LHCGR: variants seen among roughly 807,000 people sequenced by gnomAD.
LHCGR encodes luteinizing hormone/choriogonadotropin receptor.
Under a neutral mutation model 60.7 loss-of-function variants are expected in LHCGR, and 55 were observed. The ratio of observed to expected loss-of-function variants is 0.91; its 90% CI spans 0.73 to 1.13. The LOEUF is 1.13. Ranked by LOEUF, LHCGR falls within the 50% of genes most tolerant of loss-of-function variation. The pLI is 0.00. For missense variants in LHCGR, 862 were observed against 836.0 expected, an observed-to-expected ratio of 1.03 and a Z score of -0.38; for synonymous variants, 337 against 316.5, an observed-to-expected ratio of 1.06 and a Z score of -0.69.
At chr2:48,748,407 C>G (rs4953624) in intron 1 of LHCGR, among the ~76,000 whole-genome samples, 76,845 of 151,860 alleles carry the variant, frequency 0.51, 20,737 homozygotes, top group Non-Finnish European at 0.61. Context: ...CAGACAGGAC[C>G]AAAAACAGCC....
rs760839238 is a variant in LHCGR at position 48,755,530 on chromosome 2, T to A, written c.142A>T (p.Thr48Ser). 1.8e-5 allele frequency: 27 copies of A among 1,541,154 alleles called. No homozygotes were observed. The highest frequency in any genetic ancestry group is 2.3e-5 in the Non-Finnish European group (26 of 1,143,792). ...PDGALRCPGP[T>S]AGLTRLSLAY... ...ACTCACAGTCGAGTGAGACCGGCCG[T>A]GGGGCCGGGGCAGCGCAGGGCGCCG... Residue 48 changes from threonine (T) to serine (S), a missense_variant, in exon 1 of 11, where the codon ACG becomes TCG. Coordinates refer to ENST00000294954, the MANE Select transcript of LHCGR (RefSeq NM_000233.4).
At chr2:48,748,210 C>G (rs1669797712) in intron 1 of LHCGR, among the ~76,000 whole-genome samples, 1 of 152,186 alleles carries the variant, frequency 6.6e-6, no homozygotes, top group Non-Finnish European at 1.5e-5. Context: ...ATCTGGAAGA[C>G]TATAAGCTCC....
At chr2:48,714,334 G>A (rs189575021) in intron 6 of LHCGR, among the ~76,000 whole-genome samples, 78 of 152,262 alleles carry the variant, frequency 5.1e-4, no homozygotes, top group Non-Finnish European at 5.7e-4. Flanking sequence ...CTTGCTTAAT[G>A]TCAAAGGAAA....
intron 9 of LHCGR, among the ~76,000 whole-genome samples, chr2:48,695,737 A>C (rs906038543): frequency 2.0e-5 from 3 of 152,224 alleles, no homozygotes; most frequent in Admixed American, 6.5e-5. Context: ...TTTTGCAGTA[A>C]CATGGATGGA....
At position 48,755,638 on chromosome 2, in the gene LHCGR, T is replaced by G; in HGVS notation, c.34A>C (p.Lys12Gln). The change falls in exon 1 of 11, where the codon AAG becomes CAG. Residue 12 changes from lysine to glutamine, a missense_variant. By Grantham distance (53) the Lys-to-Gln change is moderately conservative. Transcript: ENST00000294954. ...GGCGGCTGCAGCAGCAGCAGCAGCT[T>G]CAGCAGCTGCAGCGCCGAGAACCGC... is the stretch of plus-strand genomic sequence containing the variant. ...KQRFSALQLL[K>Q]LLLLLQPPLP... 6.9e-7 allele frequency: 1 copy of G among 1,439,360 alleles called. No homozygotes were observed. The highest frequency in any genetic ancestry group is 9.4e-7 in the Non-Finnish European group (1 of 1,059,578). 89.2% of individuals were successfully genotyped at this position (1,439,360 alleles called of 1,614,324 possible). A position where few individuals can be genotyped will look rare whatever the true frequency, so the allele number is the denominator to read the frequency against.
At chr2:48,736,400 AT>A (rs1465489765) in intron 1 of LHCGR, among the ~76,000 whole-genome samples, 1 of 152,134 alleles carries the variant, frequency 6.6e-6, no homozygotes, top group Non-Finnish European at 1.5e-5. Context: ...GCCAAATCCA[AT>A]TGCCAAGCAC....
At chr2:48,710,475 C>A (rs17326328) in intron 7 of LHCGR, among the ~76,000 whole-genome samples, 53,523 of 152,086 alleles carry the variant, frequency 0.35, 9,989 homozygotes, top group East Asian at 0.43. Context: ...AAACTCAGAT[C>A]TTTCTGTATA....
chr2:48,714,955 T>A (rs1009255210), intron 6 of LHCGR, among the ~76,000 whole-genome samples: 7 of 152,314 alleles, frequency 4.6e-5, no homozygotes, highest in African/African-American at 1.7e-4. Context: ...GGGACTAGGA[T>A]ATGCTTTGTC....
intron 6 of LHCGR, among the ~76,000 whole-genome samples, chr2:48,716,616 T>A (rs1308291828): frequency 6.6e-6 from 1 of 152,178 alleles, no homozygotes. Flanking sequence ...AGGTACAGGG[T>A]TGATGCCTGT....
At chr2:48,743,440 C>T (rs1167825183) in intron 1 of LHCGR, among the ~76,000 whole-genome samples, 1 of 152,080 alleles carries the variant, frequency 6.6e-6, no homozygotes, top group African/African-American at 2.4e-5. Context: ...TACAAAAATC[C>T]TCAATAAAAT....
At chr2:48,710,729 C>T (rs914648491) in intron 7 of LHCGR, among the ~76,000 whole-genome samples, 29 of 152,328 alleles carry the variant, frequency 1.9e-4, no homozygotes, top group African/African-American at 6.7e-4. Context: ...CCACCTTCTG[C>T]GGCTGCCCCT....
At chr2:48,715,906 G>A (rs1668226504) in intron 6 of LHCGR, among the ~76,000 whole-genome samples, 1 of 152,120 alleles carries the variant, frequency 6.6e-6, no homozygotes, top group Admixed American at 6.5e-5. Context: ...AACTCCTGGG[G>A]CCTCACAGAA....
intron 1 of LHCGR, among the ~76,000 whole-genome samples, chr2:48,749,111 T>G (rs1350920329): frequency 6.6e-6 from 1 of 152,200 alleles, no homozygotes; most frequent in African/African-American, 2.4e-5. Flanking sequence ...TTCTGAAAGT[T>G]GAGTTTTGTT....
At chr2:48,699,812 A>T (rs1667320844) in intron 8 of LHCGR, among the ~76,000 whole-genome samples, 1 of 152,264 alleles carries the variant, frequency 6.6e-6, no homozygotes, top group African/African-American at 2.4e-5. Flanking sequence ...CTTTGGTTTT[A>T]CTAGACTTGA....
rs1667009842 is a variant in LHCGR at position 48,694,285 on chromosome 2, T to C, written c.886A>G (p.Ile296Val). Residue 296 changes from isoleucine (I) to valine (V), a missense_variant, in exon 10 of 11, where the codon ATT becomes GTT. By Grantham distance (29) the Ile-to-Val change is conservative. Transcript: ENST00000294954. The part of the protein sequence containing the change: ...PTKEQNFSHS[I>V]SENFSKQCES... ...CATTGTTTGGAAAAGTTTTCAGAAA[T>C]GGAATGTGAAAAATTCTGTCTGAAA... 2 of 1,600,282 alleles carry C rather than the reference T, an allele frequency of 1.2e-6. No individual in the cohort carries two copies. The highest frequency in any genetic ancestry group is 2.2e-5 in the East Asian group (1 of 44,714).
At chr2:48,732,393 C>T (rs1362615814) in intron 1 of LHCGR, among the ~76,000 whole-genome samples, 1 of 152,132 alleles carries the variant, frequency 6.6e-6, no homozygotes, top group Non-Finnish European at 1.5e-5. Flanking sequence ...GAAAGAACAC[C>T]TCCATGATGG....
chr2:48,698,869 T>G, intron 8 of LHCGR, 69 bp from the exon 9 acceptor site: 1 of 1,307,082 alleles, frequency 7.7e-7, no homozygotes, highest in Non-Finnish European at 1.1e-6. Flanking sequence ...TGAGACGGAG[T>G]CTTGCTCCGT....
chr2:48,704,254 G>C (rs1667552463), intron 8 of LHCGR, among the ~76,000 whole-genome samples: 1 of 152,184 alleles, frequency 6.6e-6, no homozygotes, highest in Non-Finnish European at 1.5e-5. Flanking sequence ...TGATTGTGGT[G>C]GATAAGCTTT....
intron 1 of LHCGR, chr2:48,732,940 G>T (rs569833528): frequency 1.9e-6 from 1 of 534,412 alleles, no homozygotes; most frequent in Non-Finnish European, 3.8e-6. Flanking sequence ...ATTTAACAAA[G>T]GATCCGAGAA....
Sources: gnomAD v4.1 joint callset for allele counts (sites outside exome capture counted in the v4.1 genomes callset) on GRCh38, gnomAD v4.1.1 for gene constraint, MANE v1.5 for transcripts, NCBI Gene and HGNC (gene_info 2026-07-23, HGNC 2026-07-21) for gene names.